DMRT1: variants seen among roughly 807,000 people sequenced by gnomAD.
DMRT1 encodes the protein doublesex- and mab-3-related transcription factor 1.
A neutral mutation model predicts 32.3 loss-of-function variants in DMRT1; 7 were observed. The observed-to-expected ratio is 0.22, with a 90% CI of 0.12 to 0.41. DMRT1 has a LOEUF of 0.41. Ranked by LOEUF, DMRT1 falls within the 10% of genes least tolerant of loss-of-function variation. The pLI, the probability that DMRT1 is intolerant of heterozygous loss-of-function variation, is 1.00. For synonymous variants in DMRT1, 278 were observed against 206.1 expected, an observed-to-expected ratio of 1.35 and a Z score of -2.99; for missense variants, 625 against 500.5, an observed-to-expected ratio of 1.25 and a Z score of -2.37.
At chr9:870,550 G>A (rs1481682835) in intron 2 of DMRT1, among the ~76,000 whole-genome samples, 1 of 151,898 alleles carries the variant, frequency 6.6e-6, no homozygotes. Flanking sequence ...TTTAGCCACA[G>A]CATTGTAGTC....
chr9:953,845 T>C (rs918164525), intron 4 of DMRT1, among the ~76,000 whole-genome samples: 2 of 152,226 alleles, frequency 1.3e-5, no homozygotes, highest in Non-Finnish European at 2.9e-5. Flanking sequence ...GCTGGCCACA[T>C]GTAAGTCTTT....
intron 3 of DMRT1, among the ~76,000 whole-genome samples, chr9:916,461 C>G (rs753125002): frequency 6.6e-6 from 1 of 152,066 alleles, no homozygotes; most frequent in African/African-American, 2.4e-5. Flanking sequence ...GCCTCAAACT[C>G]CTGGGTTCAA....
chr9:881,505 G>C (rs1307576944), intron 2 of DMRT1, among the ~76,000 whole-genome samples: 1 of 152,168 alleles, frequency 6.6e-6, no homozygotes, highest in Non-Finnish European at 1.5e-5. Flanking sequence ...ACATGGAGCT[G>C]ACCATGAGCA....
chr9:952,197 C>G (rs2129959378), intron 4 of DMRT1, among the ~76,000 whole-genome samples: 1 of 152,302 alleles, frequency 6.6e-6, no homozygotes, highest in South Asian at 2.1e-4. Context: ...GTATCTCGAA[C>G]AGTGCTGGGC....
At chr9:908,300 A>G (rs1817850268) in intron 3 of DMRT1, among the ~76,000 whole-genome samples, 3 of 151,998 alleles carry the variant, frequency 2.0e-5, no homozygotes, top group Admixed American at 1.3e-4. Context: ...TACAAAAAAT[A>G]TAAAAAATTT....
chr9:878,276 G>C (rs1816593667), intron 2 of DMRT1, among the ~76,000 whole-genome samples: 1 of 132,160 alleles, frequency 7.6e-6, no homozygotes, highest in Non-Finnish European at 1.5e-5. Context: ...CAAAAGCAGA[G>C]TCGAATAAAG....
At position 847,827 on chromosome 9, in the gene DMRT1, G is replaced by A. The variant is rs538810887; in HGVS notation, c.538+684G>A. Among the ~76,000 whole-genome samples the A allele has an allele frequency of 5.3e-5, 8 of 152,264 alleles. No individual in the cohort carries two copies. The South Asian group carries it at 1.2e-3, about 24-fold the overall frequency. ...ATATCGAAGCCCCTAGCCACATGTG[G>A]CTTTTTAAATTTAAATTCATTACAA... On this transcript the variant is annotated intron_variant, in intron 2 of 4. Coordinates refer to ENST00000382276, the MANE Select transcript of DMRT1 (RefSeq NM_021951.3).
rs550954877 is a variant in DMRT1, at chr9:850,202, C to G, written c.538+3059C>G. Among the ~76,000 whole-genome samples, 22 of 152,290 alleles carry G rather than the reference C, an allele frequency of 1.4e-4. No homozygotes were observed. In the South Asian group the frequency reaches 3.7e-3, roughly 26 times the overall value. On this transcript the variant is annotated intron_variant, in intron 2 of 4. Coordinates refer to ENST00000382276, the MANE Select transcript of DMRT1 (RefSeq NM_021951.3). ...TCATTCATGGGATTTGCTACCAGAC[C>G]TCCTGAGTGAGGATTGATAACTTCT...
intron 4 of DMRT1, among the ~76,000 whole-genome samples, chr9:930,730 G>T (rs1564259146): frequency 6.6e-6 from 1 of 152,064 alleles, no homozygotes; most frequent in Non-Finnish European, 1.5e-5. Context: ...TTTTTTGTAG[G>T]ACAGGTTCTT....
chr9:846,071 G>A (rs897382480), intron 1 of DMRT1, among the ~76,000 whole-genome samples: 15 of 144,204 alleles, frequency 1.0e-4, no homozygotes, highest in African/African-American at 3.1e-4. Context: ...TTGTTTTGTC[G>A]CCCAGGCTGG....
intron 4 of DMRT1, among the ~76,000 whole-genome samples, chr9:928,458 C>G (rs571079773): frequency 6.6e-5 from 10 of 152,316 alleles, no homozygotes; most frequent in Admixed American, 6.5e-4. Context: ...GCCTTCCCAG[C>G]CATACTCTCT....
At chr9:853,348 G>C (rs571541996) in intron 2 of DMRT1, among the ~76,000 whole-genome samples, 2 of 152,008 alleles carry the variant, frequency 1.3e-5, no homozygotes, top group African/African-American at 4.8e-5. Context: ...GTCCATTATA[G>C]TATTCACAGC....
At chr9:924,604 C>CT in intron 4 of DMRT1, among the ~76,000 whole-genome samples, 1 of 152,056 alleles carries the variant, frequency 6.6e-6, no homozygotes. Flanking sequence ...TTAAGGAGGG[C>CT]TAAGCGTATG....
intron 2 of DMRT1, among the ~76,000 whole-genome samples, chr9:870,983 C>T (rs1265098934): frequency 1.3e-5 from 2 of 151,842 alleles, no homozygotes; most frequent in African/African-American, 4.8e-5. Context: ...GCGGGGATTA[C>T]AGTTGTGAGC....
intron 2 of DMRT1, among the ~76,000 whole-genome samples, chr9:858,394 C>A (rs868397902): frequency 6.6e-6 from 1 of 152,090 alleles, no homozygotes; most frequent in African/African-American, 2.4e-5. Context: ...AGCAGCATCC[C>A]CCTGGAGTTC....
intron 2 of DMRT1, among the ~76,000 whole-genome samples, chr9:888,647 G>T (rs1485641874): frequency 6.6e-6 from 1 of 152,040 alleles, no homozygotes; most frequent in African/African-American, 2.4e-5. Context: ...TCACAGCGAT[G>T]CAGTCAGGGG....
In DMRT1 at chr9:879,664, A is replaced by G. The variant is rs188214786; in HGVS notation, c.539-14248A>G. On this transcript the variant is annotated intron_variant, in intron 2 of 4. Coordinates refer to ENST00000382276, the MANE Select transcript of DMRT1 (RefSeq NM_021951.3). ...TAGTTGTGATGTGGAAACCAAAACC[A>G]TGCTAACGAACATTTTGTACTCTGT... Among the ~76,000 whole-genome samples the G allele has an allele frequency of 2.0e-3, 304 of 152,328 alleles. 2 individuals are homozygous for G. The highest frequency in any genetic ancestry group is 0.017 in the Middle Eastern group (5 of 294).
At chr9:873,740 T>C (rs1217949028) in intron 2 of DMRT1, among the ~76,000 whole-genome samples, 3 of 151,738 alleles carry the variant, frequency 2.0e-5, no homozygotes, top group Non-Finnish European at 4.4e-5. Flanking sequence ...AAAGGTGTTT[T>C]AATAACTGGG....
At chr9:859,436 G>A (rs1034087724) in intron 2 of DMRT1, among the ~76,000 whole-genome samples, 5 of 152,142 alleles carry the variant, frequency 3.3e-5, no homozygotes, top group African/African-American at 1.2e-4. Flanking sequence ...GTGCCTGTGG[G>A]TCCCCTGGGG....
Sources: gnomAD v4.1 joint callset for allele counts (sites outside exome capture counted in the v4.1 genomes callset) on GRCh38, gnomAD v4.1.1 for gene constraint, MANE v1.5 for transcripts, NCBI Gene and HGNC (gene_info 2026-07-23, HGNC 2026-07-21) for gene names.